Variants in ARPP21 observed in about 807,000 individuals in gnomAD.
ARPP21 encodes the protein cAMP regulated phosphoprotein 21.
ARPP21 carries 69 observed loss-of-function variants against 113.2 expected under a neutral mutation model. The ratio of observed to expected loss-of-function variants is 0.61; its 90% CI spans 0.50 to 0.74. The LOEUF (loss-of-function observed/expected upper bound fraction) is 0.74, where lower values mean the gene tolerates loss of function less well. ARPP21 is among the 30% of genes least tolerant of loss of function. ARPP21 has a pLI of 0.00. For missense variants in ARPP21, 1,070 were observed against 1,037.4 expected, an observed-to-expected ratio of 1.03 and a Z score of -0.43; for synonymous variants, 368 against 375.5, an observed-to-expected ratio of 0.98 and a Z score of 0.23.
chr3:35,715,986 T>C (rs1010636055), intron 12 of ARPP21, among the ~76,000 whole-genome samples: 7 of 152,124 alleles, frequency 4.6e-5, no homozygotes, highest in African/African-American at 1.7e-4. Flanking sequence ...GAAAATCTTA[T>C]CTAAACTGGC....
chr3:35,736,116 C>A (rs2094334216), intron 15 of ARPP21, among the ~76,000 whole-genome samples: 1 of 152,132 alleles, frequency 6.6e-6, no homozygotes, highest in Non-Finnish European at 1.5e-5. Context: ...AGTTCTCTCA[C>A]TTACTGTTTT....
intron 1 of ARPP21, among the ~76,000 whole-genome samples, chr3:35,654,048 C>T (rs894959946): frequency 6.6e-6 from 1 of 151,900 alleles, no homozygotes; most frequent in Non-Finnish European, 1.5e-5. Context: ...CACTCACCAC[C>T]CATCTTAATT....
chr3:35,687,938 A>C lies in ARPP21; in HGVS notation c.406+55A>C. The C allele has an allele frequency of 2.0e-6, 3 of 1,506,912 alleles. No homozygotes were observed. In the East Asian group the frequency reaches 6.9e-5, roughly 35 times the overall value. 93.3% of individuals were successfully genotyped at this position (1,506,912 alleles called of 1,614,324 possible). On this transcript the variant is annotated intron_variant, in intron 6 of 20. Transcript: ENST00000684406. ...TCAATTTGGGCACACACATAGTCAC[A>C]GAACACATTCTAGATTTCACATGCA...
chr3:35,741,589 C>G (rs1423394811), intron 18 of ARPP21, among the ~76,000 whole-genome samples: 2 of 152,150 alleles, frequency 1.3e-5, no homozygotes, highest in African/African-American at 4.8e-5. Context: ...GTGAAAAGCA[C>G]ATGGACGAGA....
At chr3:35,766,999 G>A (rs1410251752) in intron 19 of ARPP21, among the ~76,000 whole-genome samples, 1 of 152,068 alleles carries the variant, frequency 6.6e-6, no homozygotes, top group African/African-American at 2.4e-5. Flanking sequence ...TTGGAATTGG[G>A]GTTAAACTTC....
At chr3:35,681,560 T>G in intron 2 of ARPP21, 154 bp from the exon 3 acceptor site, 1 of 546,598 alleles carries the variant, frequency 1.8e-6, no homozygotes, top group Non-Finnish European at 3.3e-6. Context: ...GTGCATGCCT[T>G]GGGTACTTGA....
At chr3:35,750,891 C>T (rs1054734096) in intron 19 of ARPP21, among the ~76,000 whole-genome samples, 4 of 152,292 alleles carry the variant, frequency 2.6e-5, no homozygotes, top group Admixed American at 1.3e-4. Flanking sequence ...AGTGATTGGG[C>T]TTTGGGTGAG....
At chr3:35,707,294 T>C (rs2089490847) in intron 10 of ARPP21, among the ~76,000 whole-genome samples, 1 of 152,116 alleles carries the variant, frequency 6.6e-6, no homozygotes, top group South Asian at 2.1e-4. Flanking sequence ...GCTTTAGCAA[T>C]GGCTCTGTGT....
In ARPP21 at chr3:35,721,611, C is replaced by A; in HGVS notation, c.1002C>A (p.Asn334Lys). Residue 334 changes from asparagine to lysine, a missense_variant, in exon 14 of 21, where the codon AAC (asparagine) becomes AAA (lysine). By Grantham distance (94) the Asn-to-Lys change is moderately conservative (BLOSUM62 0). Coordinates refer to ENST00000684406, the MANE Select transcript of ARPP21 (RefSeq NM_001385562.1). ...TCTGGTGGTCGTACTCCAGGGGCAA[C>A]AGAGATGGCTCAGGGAGAACATCTG... ...TYKKRQLFRG[N>K]RDGSGRTSGS... 1 of 1,603,852 alleles carries A rather than the reference C, an allele frequency of 6.2e-7. No individual in the cohort carries two copies.
chr3:35,708,334 C>A (rs1168131637), intron 10 of ARPP21, among the ~76,000 whole-genome samples: 2 of 152,190 alleles, frequency 1.3e-5, no homozygotes, highest in African/African-American at 4.8e-5. Flanking sequence ...CTTTAGAGTT[C>A]TTGGTATTGA....
At chr3:35,677,360 G>A (rs1559577227) in intron 1 of ARPP21, among the ~76,000 whole-genome samples, 1 of 151,690 alleles carries the variant, frequency 6.6e-6, no homozygotes. Context: ...CATATGTGGT[G>A]CTTTGCATTT....
At chr3:35,729,799 T>C (rs2093816031) in intron 15 of ARPP21, among the ~76,000 whole-genome samples, 1 of 152,228 alleles carries the variant, frequency 6.6e-6, no homozygotes, top group African/African-American at 2.4e-5. Context: ...TCTTTTTTCT[T>C]TTACTATGGT....
Position 35,682,854 on chromosome 3 carries a change from C to T in ARPP21, c.136C>T (p.Leu46=), listed in dbSNP as rs2149485181. ...EEEKLELQRR[L]EAQNQERRKS... ...TTTTCTTTCCAACATACAGAGGCGGCTGGAGGCTCAGAATCAAGAAAGAAG... is the reference window on the plus strand; with the variant it reads ...TTTTCTTTCCAACATACAGAGGCGGTTGGAGGCTCAGAATCAAGAAAGAAG... Residue 46 remains leucine (L), a synonymous_variant, in exon 4 of 21, where the codon CTG becomes TTG. Coordinates refer to ENST00000684406, the MANE Select transcript of ARPP21 (RefSeq NM_001385562.1). 1 of 1,607,908 alleles carries T rather than the reference C, an allele frequency of 6.2e-7. No homozygotes were observed.
At chr3:35,681,114 T>C (rs1452424761) in intron 2 of ARPP21, 1 of 151,858 alleles carries the variant, frequency 6.6e-6, no homozygotes, top group Admixed American at 6.6e-5. Context: ...GGGAGAGGGC[T>C]TATGTTTTTA....
chr3:35,690,084 C>G lies in ARPP21; in HGVS notation c.489C>G (p.Asp163Glu). Residue 163 changes from aspartate (D) to glutamate (E), a missense_variant, in exon 8 of 21, where the codon GAC becomes GAG. Physicochemically the swap from Asp to Glu is conservative, Grantham distance 45 (BLOSUM62 2). Transcript: ENST00000684406. ...LINTLKNNSR[D>E]RMILLKMEQE... is the part of the protein sequence containing the mutation. ...AAATTTAACATTTATTTTGCAGGGA[C>G]AGGATGATACTTTTGAAAATGGAGC... 1 of 1,378,214 alleles carries G rather than the reference C, an allele frequency of 7.3e-7. No homozygotes were observed. Among genetic ancestry groups the G allele is most frequent in the African/African-American group, 1.4e-5 (1 of 70,334 alleles). 85.4% of individuals were successfully genotyped at this position (1,378,214 alleles called of 1,614,324 possible).
At chr3:35,687,620 GAAA>G in intron 5 of ARPP21, 116 bp from the exon 6 acceptor site, 1 of 829,040 alleles carries the variant, frequency 1.2e-6, no homozygotes, top group Middle Eastern at 2.8e-4. Flanking sequence ...TTACCATTTA[GAAA>G]AAAAAAATCT....
intron 19 of ARPP21, among the ~76,000 whole-genome samples, chr3:35,771,350 A>T (rs1287172803): frequency 6.6e-6 from 1 of 151,082 alleles, no homozygotes; most frequent in Non-Finnish European, 1.5e-5. Flanking sequence ...TTTTTTTAAG[A>T]TGCAGTCTCA....
At chr3:35,694,252 T>C (rs2083134566) in intron 9 of ARPP21, among the ~76,000 whole-genome samples, 1 of 151,528 alleles carries the variant, frequency 6.6e-6, no homozygotes, top group South Asian at 2.1e-4. Flanking sequence ...ATTACATATG[T>C]GTGTGTACTG....
chr3:35,792,592 G>T, intron 20 of ARPP21, 62 bp downstream of exon 20: 2 of 1,540,678 alleles, frequency 1.3e-6, no homozygotes, highest in Middle Eastern at 1.7e-4. Context: ...AGTGGAAGCT[G>T]TGGGTCTGTC....
Sources: gnomAD v4.1 joint callset for allele counts (sites outside exome capture counted in the v4.1 genomes callset) on GRCh38, gnomAD v4.1.1 for gene constraint, MANE v1.5 for transcripts, NCBI Gene and HGNC (gene_info 2026-07-23, HGNC 2026-07-21) for gene names.